RAB33A: variants seen among roughly 807,000 people sequenced by gnomAD.
The protein encoded by RAB33A is ras-related protein Rab-33A.
RAB33A carries 6 observed loss-of-function variants against 12.0 expected under a neutral mutation model. That is an observed-to-expected ratio of 0.50 (90% CI 0.27 to 0.99). RAB33A has a LOEUF of 0.99. Ranked by LOEUF, RAB33A falls within the 50% of genes least tolerant of loss-of-function variation. The pLI, the probability that RAB33A is intolerant of heterozygous loss-of-function variation, is 0.11. For synonymous variants in RAB33A, 70 were observed against 82.4 expected (o/e 0.85, Z 0.81); for missense variants, 109 against 192.0 (o/e 0.57, Z 2.55).
the RAB33A span, among the ~76,000 whole-genome samples, chrX:130,127,975 C>T: frequency 1.6e-4 from 18 of 111,307 alleles, no homozygotes; most frequent in Non-Finnish European, 2.8e-4. Context: ...CAGGCGTGAG[C>T]CACTGTGCGC....
At chrX:130,164,835 T>C in the RAB33A span, among the ~76,000 whole-genome samples, 1 of 111,974 alleles carries the variant, frequency 8.9e-6, no homozygotes, top group Non-Finnish European at 1.9e-5. Flanking sequence ...TTCACCTCTC[T>C]GTGCCTCAGT....
chrX:130,176,689 C>T (rs1292538222), intron 1 of RAB33A, among the ~76,000 whole-genome samples: 1 of 112,024 alleles, frequency 8.9e-6, no homozygotes, highest in African/African-American at 3.2e-5. Flanking sequence ...TTCTCTGTCT[C>T]CCTTGCTGCT....
Position 130,172,052 on chromosome X carries a change from G to A in RAB33A, c.-11G>A. The A allele has an allele frequency of 8.3e-7, 1 of 1,202,201 alleles. No homozygotes were observed. Among genetic ancestry groups the A allele is most frequent in the Non-Finnish European group, 1.1e-6 (1 of 891,166 alleles). ...CAAGGGGGGTTGGGGCCCCGGTTCG[G>A]TCCGGGGGAGATGGCGCAGCCCATC... On this transcript the variant is annotated 5_prime_UTR_variant, in exon 1 of 2. Transcript: ENST00000257017.
At chrX:130,126,387 G>A in the RAB33A span, among the ~76,000 whole-genome samples, 1 of 110,574 alleles carries the variant, frequency 9.0e-6, no homozygotes, top group Admixed American at 9.6e-5. Context: ...AGCTACCCGG[G>A]AGGCTGAGGC....
upstream of RAB33A, among the ~76,000 whole-genome samples, chrX:130,170,837 C>T (rs2031596368): frequency 8.9e-6 from 1 of 112,813 alleles, no homozygotes; most frequent in Non-Finnish European, 1.9e-5. Flanking sequence ...ATGGAAGGCA[C>T]TGTGGAGCTT....
the RAB33A span, chrX:130,145,626 C>T: frequency 5.9e-5 from 55 of 936,724 alleles, no homozygotes; most frequent in Admixed American, 8.9e-4. Flanking sequence ...ATCAGCTTCC[C>T]CCGTAGCTTT....
At chrX:130,158,242 C>G in the RAB33A span, among the ~76,000 whole-genome samples, 3 of 108,977 alleles carry the variant, frequency 2.8e-5, no homozygotes, top group African/African-American at 1.0e-4. Flanking sequence ...CCAGACTGGG[C>G]AACGAGAGCG....
the RAB33A span, among the ~76,000 whole-genome samples, chrX:130,117,129 G>A: frequency 8.9e-6 from 1 of 112,245 alleles, no homozygotes; most frequent in Admixed American, 9.4e-5. Flanking sequence ...CAGGAGAATG[G>A]TGTGAACCTG....
At chrX:130,129,343 C>G in the RAB33A span, 3 of 437,668 alleles carry the variant, frequency 6.9e-6, no homozygotes, top group Non-Finnish European at 1.2e-5. Context: ...CCACCTGCCC[C>G]CTTGACAAGA....
intron 1 of RAB33A, among the ~76,000 whole-genome samples, chrX:130,175,014 TAAC>T (rs1320777805): frequency 9.0e-6 from 1 of 111,243 alleles, no homozygotes; most frequent in Non-Finnish European, 1.9e-5. Context: ...ATAATAATAA[TAAC>T]AACTATGTAT....
chrX:130,113,549 G>A, the RAB33A span, among the ~76,000 whole-genome samples: 7 of 108,582 alleles, frequency 6.4e-5, no homozygotes, highest in Non-Finnish European at 1.3e-4. Context: ...TCAGCCTCCC[G>A]AGTAACTGGG....
the RAB33A span, among the ~76,000 whole-genome samples, chrX:130,126,407 G>A: frequency 9.1e-6 from 1 of 109,886 alleles, no homozygotes; most frequent in Admixed American, 9.8e-5. Context: ...CAGGAGAATC[G>A]CTTGAACCCA....
At chrX:130,162,633 C>A in the RAB33A span, among the ~76,000 whole-genome samples, 2 of 112,118 alleles carry the variant, frequency 1.8e-5, no homozygotes, top group Admixed American at 1.9e-4. Flanking sequence ...GGCTTCAAAA[C>A]GAAGTCACAT....
At chrX:130,156,824 T>C in the RAB33A span, among the ~76,000 whole-genome samples, 2 of 111,640 alleles carry the variant, frequency 1.8e-5, no homozygotes, top group Admixed American at 1.9e-4. Context: ...TTTAATGCTG[T>C]CCAGTGAGAA....
At chrX:130,143,689 A>G in the RAB33A span, among the ~76,000 whole-genome samples, 1 of 74,158 alleles carries the variant, frequency 1.3e-5, no homozygotes, top group Non-Finnish European at 2.5e-5. Flanking sequence ...CATCTCTACT[A>G]AAAAGACAAA....
chrX:130,122,955 A>G, the RAB33A span, among the ~76,000 whole-genome samples: 1 of 111,832 alleles, frequency 8.9e-6, no homozygotes, highest in African/African-American at 3.3e-5. Context: ...GGTAGGTCAA[A>G]GAAAAATAAA....
chrX:130,165,604 G>A, the RAB33A span: 3 of 1,202,362 alleles, frequency 2.5e-6, no homozygotes, highest in African/African-American at 1.7e-5. Context: ...CCGCACCAAG[G>A]GCACCAGCTT....
the RAB33A span, among the ~76,000 whole-genome samples, chrX:130,152,110 A>AGAG: frequency 9.0e-6 from 1 of 110,544 alleles, no homozygotes; most frequent in South Asian, 3.9e-4. Context: ...AGAGAAGAGA[A>AGAG]GAGAAAAGAA....
At chrX:130,162,401 G>C in the RAB33A span, among the ~76,000 whole-genome samples, 2 of 111,994 alleles carry the variant, frequency 1.8e-5, no homozygotes, top group Non-Finnish European at 3.8e-5. Context: ...TTATCTCCTG[G>C]AGAAGGTTAG....
Sources: allele counts gnomAD v4.1 joint callset (sites outside exome capture counted in the v4.1 genomes callset), GRCh38; gene constraint gnomAD v4.1.1; transcripts MANE v1.5; gene names NCBI Gene and HGNC (gene_info 2026-07-23, HGNC 2026-07-21).